PCDH19: variants seen among roughly 807,000 people sequenced by gnomAD.
PCDH19 encodes protocadherin 19.
PCDH19 carries 6 observed loss-of-function variants against 46.2 expected under a neutral mutation model. That is an observed-to-expected ratio of 0.13 (90% CI 0.07 to 0.26). The LOEUF (loss-of-function observed/expected upper bound fraction) is 0.26. PCDH19 is among the 10% of genes least tolerant of loss of function. The pLI, the probability that PCDH19 is intolerant of heterozygous loss-of-function variation, is 1.00. For synonymous variants in PCDH19, 481 were observed against 415.7 expected (o/e 1.16, Z -1.91); for missense variants, 740 against 972.3 (o/e 0.76, Z 3.18).
chrX:100,296,863 C>A lies in PCDH19; in HGVS notation c.2861G>T (p.Gly954Val). ...CCGGCATTCTTCCCGGCAATGAAAT[C>A]CTTCATTCTGATCTGTTTGGAAAAA... ...SQMPDHDQNE[G>V]FHCREECRIL... The change falls in exon 6 of 6, where the codon GGA becomes GTA. Residue 954 changes from glycine (G) to valine (V), a missense_variant. Physicochemically the swap from Gly to Val is moderately radical, Grantham distance 109 (BLOSUM62 -3). Around this residue, in one of 5 missense-constraint regions of PCDH19, gnomAD observed 416 missense variants for 476.8 expected, o/e 0.87. Coordinates refer to ENST00000373034, the MANE Select transcript of PCDH19 (RefSeq NM_001184880.2). 8.3e-7 allele frequency: 1 copy of A among 1,201,415 alleles called. No homozygotes were observed. The highest frequency in any genetic ancestry group is 1.8e-5 in the South Asian group (1 of 56,693).
chrX:100,341,121 T>C (rs1926241049), intron 5 of PCDH19, among the ~76,000 whole-genome samples: 1 of 112,447 alleles, frequency 8.9e-6, no homozygotes, highest in Non-Finnish European at 1.9e-5. Flanking sequence ...TGAACTCTGC[T>C]AATGTTTTTA....
At chrX:100,301,794 T>A (rs1924790339) in intron 5 of PCDH19, among the ~76,000 whole-genome samples, 1 of 112,020 alleles carries the variant, frequency 8.9e-6, no homozygotes, top group Non-Finnish European at 1.9e-5. Flanking sequence ...CCTATCTAAC[T>A]CCTACTCTAT....
At chrX:100,311,268 A>G (rs1293002910) in intron 5 of PCDH19, among the ~76,000 whole-genome samples, 1 of 111,844 alleles carries the variant, frequency 8.9e-6, no homozygotes, top group African/African-American at 3.2e-5. Flanking sequence ...AGCCACTTTC[A>G]TGATGGTCAT....
Position 100,296,498 on chromosome X carries a change from G to A in PCDH19, c.3226C>T (p.Pro1076Ser), listed in dbSNP as rs764781288. Residue 1076 changes from proline to serine, a missense_variant, in exon 6 of 6, where the codon CCC becomes TCC. Pro to Ser is a moderately conservative substitution (Grantham distance 74). Transcript: ENST00000373034. ...GTGTAAGACACGGAAGGCTTGGTGG[G>A]CAGAGAGCTCTTGAGGTGGAGGGGG... ...TSPLHLKSSL[P>S]TKPSVSYTIA... is the part of the protein sequence containing the mutation. 6 of 1,211,346 alleles carry A rather than the reference G, an allele frequency of 5.0e-6. No individual in the cohort carries two copies.
chrX:100,353,366 A>G (rs1478134605), intron 3 of PCDH19, among the ~76,000 whole-genome samples: 1 of 112,181 alleles, frequency 8.9e-6, no homozygotes, highest in Non-Finnish European at 1.9e-5. Context: ...GTTCTCAAGT[A>G]GAAAATTTTC....
intron 3 of PCDH19, among the ~76,000 whole-genome samples, chrX:100,359,472 T>C (rs1926814154): frequency 8.9e-6 from 1 of 112,141 alleles, no homozygotes; most frequent in Non-Finnish European, 1.9e-5. Context: ...TTAGAGGCAA[T>C]GGCAACCATT....
chrX:100,333,169 G>GAAAAA lies in PCDH19; in HGVS notation c.2848+8733_2848+8734insTTTTT, dbSNP rs1184940941. 5.8e-5 allele frequency among the ~76,000 whole-genome samples: 2 copies of GAAAAA among 34,574 alleles called. 1 individual carries two copies. The highest frequency in any genetic ancestry group is 2.3e-3 in the East Asian group (2 of 880). The allele number at this position is 34,574 out of a possible 115,157, so 30.0% of individuals were successfully genotyped here. ...AGGAAGGAAGGAAGGAAGGAAGGAAGGAAGGGAGAGAGAGAGAAAGAAAGA... is the reference window on the plus strand; with the variant it reads ...AGGAAGGAAGGAAGGAAGGAAGGAAGAAAAAGAAGGGAGAGAGAGAGAAAGAAAGA... On this transcript the variant is annotated intron_variant, in intron 5 of 5. Transcript: ENST00000373034.
chrX:100,408,539 G>A lies in PCDH19; in HGVS notation c.59C>T (p.Ala20Val). The A allele has an allele frequency of 1.7e-6, 2 of 1,196,737 alleles. No individual in the cohort carries two copies. Among genetic ancestry groups the A allele is most frequent in the Non-Finnish European group, 2.2e-6 (2 of 891,678 alleles). ...CGAGTACTTGAGATTAATGAGGGCG[G>A]CAGCCTGCGTCCACAGTATGGCCAG... is the stretch of plus-strand genomic sequence containing the variant. ...LLLAILWTQA[A>V]ALINLKYSVE... The change falls in exon 1 of 6, where the codon GCC becomes GTC. Residue 20 changes from alanine to valine, a missense_variant. Around this residue, in one of 5 missense-constraint regions of PCDH19, gnomAD observed 81 missense variants for 96.5 expected, o/e 0.84. Transcript: ENST00000373034.
At chrX:100,391,616 T>G (rs1435383069) in intron 3 of PCDH19, among the ~76,000 whole-genome samples, 1 of 111,853 alleles carries the variant, frequency 8.9e-6, no homozygotes, top group Non-Finnish European at 1.9e-5. Context: ...CTGCAAACAT[T>G]CACACATTTA....
intron 5 of PCDH19, among the ~76,000 whole-genome samples, chrX:100,333,943 C>G (rs1926000264): frequency 9.1e-6 from 1 of 109,468 alleles, no homozygotes; most frequent in African/African-American, 3.3e-5. Flanking sequence ...GCATGTGCCA[C>G]CATGCCCAGC....
At chrX:100,390,270 G>T (rs765632887) in intron 3 of PCDH19, among the ~76,000 whole-genome samples, 1 of 111,626 alleles carries the variant, frequency 9.0e-6, no homozygotes, top group African/African-American at 3.3e-5. Context: ...TTTTTTTAAA[G>T]AGCCTAACTA....
chrX:100,334,042 A>G (rs563373265), intron 5 of PCDH19, among the ~76,000 whole-genome samples: 1 of 110,956 alleles, frequency 9.0e-6, no homozygotes, highest in South Asian at 3.9e-4. Flanking sequence ...CACCTGCTCC[A>G]GCATCCCAAA....
At chrX:100,300,014 T>C (rs1924727369) in intron 5 of PCDH19, among the ~76,000 whole-genome samples, 2 of 112,441 alleles carry the variant, frequency 1.8e-5, no homozygotes, top group South Asian at 7.3e-4. Context: ...TTTTTGTCTA[T>C]ACAGTTACAA....
chrX:100,326,838 T>C (rs1925709454), intron 5 of PCDH19, among the ~76,000 whole-genome samples: 1 of 111,414 alleles, frequency 9.0e-6, no homozygotes, highest in Non-Finnish European at 1.9e-5. Context: ...TGGACACCAA[T>C]AGCTCTGGCA....
chrX:100,321,632 A>T (rs1180848264), intron 5 of PCDH19, among the ~76,000 whole-genome samples: 1 of 108,548 alleles, frequency 9.2e-6, no homozygotes, highest in Non-Finnish European at 1.9e-5. Flanking sequence ...TTTGTTTCTC[A>T]TTGATTTGTT....
At chrX:100,380,237 T>C (rs1017637353) in intron 3 of PCDH19, among the ~76,000 whole-genome samples, 1 of 111,122 alleles carries the variant, frequency 9.0e-6, no homozygotes, top group Non-Finnish European at 1.9e-5. Flanking sequence ...GCCAAGAGTT[T>C]AATGTCAACA....
At position 100,296,225 on chromosome X, in the gene PCDH19, C is replaced by T; in HGVS notation, c.*52G>A. ...GGTGAGCAATTAAAACAAGAAGCTCCTGCTTCTTCACTAGCCAGTGTGGTT... is the reference window on the plus strand; with the variant it reads ...GGTGAGCAATTAAAACAAGAAGCTCTTGCTTCTTCACTAGCCAGTGTGGTT... On this transcript the variant is annotated 3_prime_UTR_variant, in exon 6 of 6. Transcript: ENST00000373034. 1.0e-6 allele frequency: 1 copy of T among 999,831 alleles called. No homozygotes were observed. The highest frequency in any genetic ancestry group is 1.9e-5 in the South Asian group (1 of 52,736). 82.4% of individuals were successfully genotyped at this position (999,831 alleles called of 1,213,427 possible).
Position 100,362,655 on chromosome X carries a change from G to A in PCDH19, c.2617-11951C>T, listed in dbSNP as rs776859429. Among the ~76,000 whole-genome samples, 4 of 108,610 alleles carry A rather than the reference G, an allele frequency of 3.7e-5. No individual in the cohort carries two copies. The South Asian group carries it at 1.7e-3, about 45-fold the overall frequency. 94.3% of individuals were successfully genotyped at this position (108,610 alleles called of 115,157 possible). ...AAAAATACAAAAAAAAAAATTAGCCGGGCGTGGTGGTGGGTGCTGTGGTCC... is the reference window on the plus strand; with the variant it reads ...AAAAATACAAAAAAAAAAATTAGCCAGGCGTGGTGGTGGGTGCTGTGGTCC... On this transcript the variant is annotated intron_variant, in intron 3 of 5. Transcript: ENST00000373034.
chrX:100,361,311 TA>T (rs753079918), intron 3 of PCDH19, among the ~76,000 whole-genome samples: 6 of 112,263 alleles, frequency 5.3e-5, no homozygotes, highest in Non-Finnish European at 1.1e-4. Context: ...CCAGTAATGG[TA>T]AGCATAAAAG....
Sources: gnomAD v4.1 joint callset for allele counts (sites outside exome capture counted in the v4.1 genomes callset) on GRCh38, gnomAD v4.1.1 for gene constraint, gnomAD v4.1.1 regional missense constraint, MANE v1.5 for transcripts, NCBI Gene and HGNC (gene_info 2026-07-23, HGNC 2026-07-21) for gene names.